The following ALPL variants were observed in gnomAD, a reference collection of about 807,000 sequenced individuals.
ALPL encodes alkaline phosphatase, tissue-nonspecific isozyme.
In ALPL, 42 loss-of-function variants were observed where a neutral mutation model predicts 51.3. The observed-to-expected ratio is 0.82, with a 90% confidence interval of 0.64 to 1.06. The LOEUF is 1.06. Among genes scored for constraint, ALPL ranks in the 50% least tolerant of loss-of-function variants. ALPL has a pLI of 0.00. For missense variants in ALPL, 589 were observed against 709.4 expected, an observed-to-expected ratio of 0.83 and a Z score of 1.93; for synonymous variants, 279 against 296.4, an observed-to-expected ratio of 0.94 and a Z score of 0.60.
chr1:21,558,303 A>G (rs1644439374), intron 2 of ALPL, among the ~76,000 whole-genome samples: 1 of 152,220 alleles, frequency 6.6e-6, no homozygotes, highest in Admixed American at 6.5e-5. Context: ...TGGGACCTCC[A>G]AGCTGTTAAG....
Position 21,578,053 on chromosome 1 carries a change from T to C in ALPL, c.*405T>C. On this transcript the variant is annotated 3_prime_UTR_variant, in exon 12 of 12. Coordinates refer to ENST00000374840, the MANE Select transcript of ALPL (RefSeq NM_000478.6). The surrounding 1 kb of genome is among the most constrained non-coding windows in gnomAD (Gnocchi z 4.2). ...TCCTGACCCTCCCACTCCCATCTCC[T>C]TACCTCTGGAACCCCCCAGGCCCTA... The C allele has an allele frequency of 3.9e-6, 1 of 258,864 alleles. No individual in the cohort carries two copies. 16.0% of individuals were successfully genotyped at this position (258,864 alleles called of 1,614,324 possible).
intron 1 of ALPL, among the ~76,000 whole-genome samples, chr1:21,546,674 C>T (rs1490737280): frequency 1.3e-5 from 2 of 152,332 alleles, no homozygotes; most frequent in Non-Finnish European, 1.5e-5. Flanking sequence ...CTAAAGCCTC[C>T]GTAGGCTGCT....
intron 8 of ALPL, among the ~76,000 whole-genome samples, chr1:21,571,610 T>C (rs900748377): frequency 2.6e-5 from 4 of 151,268 alleles, no homozygotes; most frequent in Non-Finnish European, 5.9e-5. Context: ...AGGCGGAGGT[T>C]ACAGTGAGCC....
rs373850219 is a variant in ALPL at position 21,570,263 on chromosome 1, T to G, written c.793-42T>G. 46 of 1,598,694 alleles carry G rather than the reference T, an allele frequency of 2.9e-5. No individual in the cohort carries two copies. In the East Asian group the frequency reaches 3.1e-4, roughly 11 times the overall value. On this transcript the variant is annotated intron_variant, in intron 7 of 11. Coordinates refer to ENST00000374840, the MANE Select transcript of ALPL (RefSeq NM_000478.6). ...CTGCTGGGGTCAGTCCTTCCGACTCTCCCTAGCCCCCGGCATGTGCTGACA... is the reference window on the plus strand; with the variant it reads ...CTGCTGGGGTCAGTCCTTCCGACTCGCCCTAGCCCCCGGCATGTGCTGACA...
Position 21,547,094 on chromosome 1 carries a change from G to A in ALPL, c.-104-6884G>A, listed in dbSNP as rs117406466. 2.4e-4 allele frequency among the ~76,000 whole-genome samples: 36 copies of A among 152,322 alleles called. No individual in the cohort carries two copies. The East Asian group carries it at 6.6e-3, about 28-fold the overall frequency. The stretch of plus-strand genomic sequence containing the variant: ...CTGACAGAAACTCTGTCCCGTTCCC[G>A]ACTGTTTCCATAGAACCTAGCACAG... On this transcript the variant is annotated intron_variant, in intron 1 of 11. Coordinates refer to ENST00000374840, the MANE Select transcript of ALPL (RefSeq NM_000478.6).
intron 1 of ALPL, among the ~76,000 whole-genome samples, chr1:21,544,396 T>C (rs1244180688): frequency 6.6e-6 from 1 of 152,160 alleles, no homozygotes; most frequent in East Asian, 1.9e-4. Flanking sequence ...GGCCCTAAGT[T>C]TGGGTCACAC....
intron 8 of ALPL, among the ~76,000 whole-genome samples, chr1:21,571,023 G>A (rs1234355248): frequency 6.6e-6 from 1 of 152,250 alleles, no homozygotes; most frequent in Non-Finnish European, 1.5e-5. Context: ...CTGTGCACCT[G>A]GTGGGTCCTC....
At chr1:21,547,369 T>G (rs1644266336) in intron 1 of ALPL, among the ~76,000 whole-genome samples, 1 of 151,918 alleles carries the variant, frequency 6.6e-6, no homozygotes, top group African/African-American at 2.4e-5. Flanking sequence ...GTGCAGGGCG[T>G]GGTGGCTGCT....
At chr1:21,562,728 A>C (rs1335387038) in intron 4 of ALPL, among the ~76,000 whole-genome samples, 22 of 52,438 alleles carry the variant, frequency 4.2e-4, no homozygotes, top group South Asian at 1.2e-3. Context: ...CAGACCCCCC[A>C]CTCCTTCAAG....
chr1:21,548,530 G>T (rs1224157911), intron 1 of ALPL, among the ~76,000 whole-genome samples: 1 of 152,214 alleles, frequency 6.6e-6, no homozygotes, highest in African/African-American at 2.4e-5. Flanking sequence ...AGAGCTTCAG[G>T]CTAGCAGGGA....
chr1:21,521,630 TG>T, intron 1 of ALPL, among the ~76,000 whole-genome samples: 2 of 152,292 alleles, frequency 1.3e-5, no homozygotes, highest in African/African-American at 4.8e-5. Context: ...AGACCTTCAC[TG>T]GTGTCCTTGC....
chr1:21,522,097 A>G (rs1157608119), intron 1 of ALPL, among the ~76,000 whole-genome samples: 1 of 137,212 alleles, frequency 7.3e-6, no homozygotes, highest in Non-Finnish European at 1.5e-5. Context: ...TTTGAGATGG[A>G]GTCTCGCTCT....
intron 8 of ALPL, 125 bp from the exon 9 acceptor site, chr1:21,573,540 C>A: frequency 8.2e-7 from 1 of 1,217,190 alleles, no homozygotes; most frequent in Non-Finnish European, 1.2e-6. Flanking sequence ...TCCTCCCAGC[C>A]ACCATACTCT....
At chr1:21,516,586 C>T (rs1389953241) in intron 1 of ALPL, among the ~76,000 whole-genome samples, 2 of 152,216 alleles carry the variant, frequency 1.3e-5, no homozygotes, top group East Asian at 3.8e-4. Context: ...GAGAAGTAGA[C>T]ATGTTTGTTC....
At position 21,564,349 on chromosome 1, in the gene ALPL, C is replaced by T; in HGVS notation, c.648+133C>T. The stretch of plus-strand genomic sequence containing the variant: ...CCACACACCTGGGAGGCTCCCAGCC[C>T]ATTAGGGGATTTGCGGTTGGGCAGG... On this transcript the variant is annotated intron_variant, in intron 6 of 11. Coordinates refer to ENST00000374840, the MANE Select transcript of ALPL (RefSeq NM_000478.6). The surrounding 1 kb of genome is among the most constrained non-coding windows in gnomAD (Gnocchi z 5.8). 5 of 1,186,374 alleles carry T rather than the reference C, an allele frequency of 4.2e-6. No individual in the cohort carries two copies. The South Asian group carries it at 5.8e-5, about 14-fold the overall frequency. The allele number at this position is 1,186,374 out of a possible 1,614,324, so 73.5% of individuals were successfully genotyped here. A position where few individuals can be genotyped will look rare whatever the true frequency, so the allele number is the denominator to read the frequency against.
chr1:21,518,068 A>G (rs116245586), intron 1 of ALPL, among the ~76,000 whole-genome samples: 4,043 of 152,096 alleles, frequency 0.027, 89 homozygotes, highest in Non-Finnish European at 0.036. Context: ...TTGTCTTTGG[A>G]GGAACTAAGC....
intron 1 of ALPL, among the ~76,000 whole-genome samples, chr1:21,540,062 G>A (rs1349871792): frequency 6.6e-6 from 1 of 152,136 alleles, no homozygotes; most frequent in African/African-American, 2.4e-5. Context: ...GCTGGAGGAG[G>A]TGGTTGGCGA....
chr1:21,575,076 C>T (rs1479341516), intron 9 of ALPL, among the ~76,000 whole-genome samples: 3 of 152,198 alleles, frequency 2.0e-5, no homozygotes, highest in African/African-American at 7.2e-5. Context: ...GTTCAGGCTT[C>T]GGCAGGGCTT....
intron 2 of ALPL, among the ~76,000 whole-genome samples, chr1:21,558,394 T>C (rs1407877398): frequency 3.3e-5 from 5 of 152,172 alleles, no homozygotes; most frequent in Admixed American, 1.3e-4. Context: ...AGAGGCTCTA[T>C]GACCAACAGC....
Sources: gnomAD v4.1 joint callset for allele counts (sites outside exome capture counted in the v4.1 genomes callset) on GRCh38, gnomAD v4.1.1 for gene constraint, Gnocchi (gnomAD v3.1) non-coding constraint, MANE v1.5 for transcripts, NCBI Gene and HGNC (gene_info 2026-07-23, HGNC 2026-07-21) for gene names.